The following ZC3H7B variants were observed in gnomAD, a reference collection of about 807,000 sequenced individuals.
ZC3H7B encodes the protein zinc finger CCCH-type containing 7B, also known as zinc finger CCCH domain-containing protein 7B.
A neutral mutation model predicts 116.0 loss-of-function variants in ZC3H7B; 35 were observed. The ratio of observed to expected loss-of-function variants is 0.30; its 90% CI spans 0.23 to 0.40. The LOEUF (loss-of-function observed/expected upper bound fraction) is 0.40. Ranked by LOEUF, ZC3H7B falls within the 10% of genes least tolerant of loss-of-function variation. The probability of loss-of-function intolerance (pLI) is 1.00; values close to 1 mark genes in which losing one functional copy is unlikely to be tolerated. For missense variants in ZC3H7B, 1,011 were observed against 1,321.5 expected, an observed-to-expected ratio of 0.77 and a Z score of 3.64; for synonymous variants, 502 against 545.6, an observed-to-expected ratio of 0.92 and a Z score of 1.11.
Position 41,349,388 on chromosome 22 carries a change from G to T in ZC3H7B, c.1948+87G>T. On this transcript the variant is annotated intron_variant, in intron 16 of 22. Coordinates refer to ENST00000352645, the MANE Select transcript of ZC3H7B (RefSeq NM_017590.6). This position sits in a 1 kb window ranked among gnomAD's most constrained non-coding sequence, Gnocchi z 4.9. ...TGAAGGGAGCGCAGGACTGACTGGGGTGACAGGCCAGGGCCCCATGGTCGC... is the reference window on the plus strand; with the variant it reads ...TGAAGGGAGCGCAGGACTGACTGGGTTGACAGGCCAGGGCCCCATGGTCGC... 1 of 1,538,416 alleles carries T rather than the reference G, an allele frequency of 6.5e-7. No individual in the cohort carries two copies.
chr22:41,355,885 G>T, intron 19 of ZC3H7B, 23 bp downstream of exon 19: 1 of 1,612,024 alleles, frequency 6.2e-7, no homozygotes, highest in Non-Finnish European at 8.5e-7. Context: ...ATGGGGGGCT[G>T]GGGGTCCCCC....
intron 9 of ZC3H7B, 123 bp from the exon 10 acceptor site, chr22:41,339,692 CA>C: frequency 1.2e-6 from 1 of 850,692 alleles, no homozygotes. Context: ...GCCCTGCTCC[CA>C]CATGGGACAG....
Position 41,338,910 on chromosome 22 carries a change from A to G in ZC3H7B, c.626-91A>G, listed in dbSNP as rs562284365. On this transcript the variant is annotated intron_variant, in intron 8 of 22. Transcript: ENST00000352645. This position sits in a 1 kb window ranked among gnomAD's most constrained non-coding sequence, Gnocchi z 4.5. ...TGGCAAGAGCTGAAAGAAGAAGGGA[A>G]AGTGTTGGATGAGCATCACGGGGCC... 5.5e-5 allele frequency: 73 copies of G among 1,316,122 alleles called. No homozygotes were observed. In the East Asian group the frequency reaches 1.7e-3, roughly 30 times the overall value. 81.5% of individuals were successfully genotyped at this position (1,316,122 alleles called of 1,614,324 possible). A position where few individuals can be genotyped will look rare whatever the true frequency, so the allele number is the denominator to read the frequency against.
In ZC3H7B at chr22:41,325,553, T is replaced by G. The variant is rs1361369324; in HGVS notation, c.54-11T>G. 1.2e-6 allele frequency: 2 copies of G among 1,609,034 alleles called. No homozygotes were observed. The highest frequency in any genetic ancestry group is 1.3e-5 in the African/African-American group (1 of 74,994). ...GGCTCACCCAGGCCTCGTGTTTTCT[T>G]TTCCTGATAGGTCGACACTACCCCT... On this transcript the variant is annotated splice_polypyrimidine_tract_variant and intron_variant, in intron 2 of 22. Transcript: ENST00000352645.
chr22:41,345,958 G>T (rs1264152260), intron 13 of ZC3H7B, 45 bp from the exon 14 acceptor site: 1 of 1,603,506 alleles, frequency 6.2e-7, no homozygotes, highest in African/African-American at 1.3e-5. Context: ...GCTGCGGGCT[G>T]CTATCCCCGC....
intron 1 of ZC3H7B, among the ~76,000 whole-genome samples, chr22:41,316,978 G>A (rs762725784): frequency 2.6e-5 from 4 of 152,118 alleles, no homozygotes; most frequent in Non-Finnish European, 4.4e-5. Flanking sequence ...GAGTAGCTGG[G>A]ATTACAGGCA....
In ZC3H7B at chr22:41,349,261, C is replaced by T; in HGVS notation, c.1908C>T (p.Ser636=). 6.2e-7 allele frequency: 1 copy of T among 1,613,746 alleles called. No individual in the cohort carries two copies. The change falls in exon 16 of 23, where the codon AGC becomes AGT. Residue 636 remains serine (S), a synonymous_variant. Transcript: ENST00000352645. This position sits in a 1 kb window ranked among gnomAD's most constrained non-coding sequence, Gnocchi z 4.9. ...AGGACAGCTGCCACTTCGCCCACAG[C>T]TTCATCGAGCTCAAGGTCTGGCTGC... ...LREDSCHFAH[S]FIELKVWLLQ...
chr22:41,342,630 T>G lies in ZC3H7B; in HGVS notation c.1297+2T>G, dbSNP rs1569240397. 6.2e-7 allele frequency: 1 copy of G among 1,611,086 alleles called. No individual in the cohort carries two copies. Among genetic ancestry groups the G allele is most frequent in the Non-Finnish European group, 8.5e-7 (1 of 1,179,570 alleles). On this transcript the variant is annotated splice_donor_variant, in intron 12 of 22. Coordinates refer to ENST00000352645, the MANE Select transcript of ZC3H7B (RefSeq NM_017590.6). LOFTEE classifies it high-confidence loss of function. ...GCCAGCTCTGCTACCCCAAGACAGG[T>G]AAACTTTCACCTGTAGACTCCACCC... is the stretch of plus-strand genomic sequence containing the variant.
rs1233102985 is a variant in ZC3H7B at position 41,338,119 on chromosome 22, C to T, written c.583-194C>T. Among the ~76,000 whole-genome samples the T allele has an allele frequency of 6.6e-6, 1 of 152,164 alleles. No individual in the cohort carries two copies. The highest frequency in any genetic ancestry group is 1.5e-5 in the Non-Finnish European group (1 of 68,036). ...CTGACCTCAGGTGATCCACCCACCT[C>T]AGCCTCCCCAAGTGCTGGGATTATA... is the stretch of plus-strand genomic sequence containing the variant. On this transcript the variant is annotated intron_variant, in intron 7 of 22. Coordinates refer to ENST00000352645, the MANE Select transcript of ZC3H7B (RefSeq NM_017590.6). The surrounding 1 kb of genome is among the most constrained non-coding windows in gnomAD (Gnocchi z 4.5).
chr22:41,308,187 G>A (rs970953666), intron 1 of ZC3H7B, among the ~76,000 whole-genome samples: 3 of 152,110 alleles, frequency 2.0e-5, no homozygotes, highest in Non-Finnish European at 4.4e-5. Context: ...GCTGGAGTCA[G>A]CTGATGATCA....
At chr22:41,317,216 GTGATCCA>G (rs1182315722) in intron 1 of ZC3H7B, among the ~76,000 whole-genome samples, 1 of 151,970 alleles carries the variant, frequency 6.6e-6, no homozygotes, top group Non-Finnish European at 1.5e-5. Context: ...CTGACCTCAG[GTGATCCA>G]CCCACCTCGG....
chr22:41,329,907 C>A, intron 5 of ZC3H7B, 116 bp from the exon 6 acceptor site: 1 of 1,020,086 alleles, frequency 9.8e-7, no homozygotes, highest in Non-Finnish European at 1.4e-6. Context: ...CTCACTTTCT[C>A]ATCTATAACA....
rs371833472 is a variant in ZC3H7B at position 41,309,104 on chromosome 22, C to T, written c.-7+7332C>T. ...TCGACTCACTGCAAGCTCCGCCTCC[C>T]GGGTTCATGCCATTCTCCTGCCTCA... On this transcript the variant is annotated intron_variant, in intron 1 of 22. Coordinates refer to ENST00000352645, the MANE Select transcript of ZC3H7B (RefSeq NM_017590.6). Among the ~76,000 whole-genome samples, 526 of 148,546 alleles carry T rather than the reference C, an allele frequency of 3.5e-3. 2 individuals carry two copies. Among genetic ancestry groups the T allele is most frequent in the African/African-American group, 0.012 (499 of 40,452 alleles).
At position 41,346,965 on chromosome 22, in the gene ZC3H7B, C is replaced by G. The variant is rs1241852151; in HGVS notation, c.1665+757C>G. ...CTGGGTGACAGAGTGAGACCCTATT[C>G]CAAAAAAAAAAAAAAAAAAATGTCA... is the stretch of plus-strand genomic sequence containing the variant. On this transcript the variant is annotated intron_variant, in intron 14 of 22. Coordinates refer to ENST00000352645, the MANE Select transcript of ZC3H7B (RefSeq NM_017590.6). This position sits in a 1 kb window ranked among gnomAD's most constrained non-coding sequence, Gnocchi z 5.3. 1.6e-5 allele frequency among the ~76,000 whole-genome samples: 2 copies of G among 125,858 alleles called. No homozygotes were observed. The highest frequency in any genetic ancestry group is 3.3e-5 in the Non-Finnish European group (2 of 60,794). The allele number at this position is 125,858 out of a possible 152,430, so 82.6% of individuals were successfully genotyped here.
At chr22:41,320,130 C>T (rs1015468414) in intron 1 of ZC3H7B, among the ~76,000 whole-genome samples, 11 of 151,380 alleles carry the variant, frequency 7.3e-5, no homozygotes, top group Non-Finnish European at 1.2e-4. Context: ...GTCAGGTGTT[C>T]GAGACCAGCC....
intron 1 of ZC3H7B, among the ~76,000 whole-genome samples, chr22:41,317,635 T>A (rs1484774037): frequency 6.0e-5 from 9 of 150,876 alleles, no homozygotes; most frequent in Non-Finnish European, 4.4e-5. Context: ...AAAAAAAAAA[T>A]AAAATACAAA....
chr22:41,339,558 G>A (rs747489109), intron 9 of ZC3H7B, among the ~76,000 whole-genome samples: 7 of 150,388 alleles, frequency 4.7e-5, no homozygotes, highest in Non-Finnish European at 8.9e-5. Context: ...CCCGGGAGGC[G>A]GAGGTTGCAG....
chr22:41,337,808 G>A (rs1373544725), intron 7 of ZC3H7B, among the ~76,000 whole-genome samples: 5 of 151,978 alleles, frequency 3.3e-5, no homozygotes, highest in Non-Finnish European at 7.4e-5. Context: ...GCCCCCACCT[G>A]CTGGCCCATC....
chr22:41,356,371 G>A lies in ZC3H7B; in HGVS notation c.2412G>A (p.Met804Ile). 1 of 1,614,142 alleles carries A rather than the reference G, an allele frequency of 6.2e-7. No homozygotes were observed. Among genetic ancestry groups the A allele is most frequent in the Non-Finnish European group, 8.5e-7 (1 of 1,180,034 alleles). The stretch of plus-strand genomic sequence containing the variant: ...TGGACATGCAGCAGACCTATGACAT[G>A]TGGCTGAAAAAACACAACCCAGGAA... ...KILDMQQTYDMWLKKHNPGKP... is the reference protein window; with the variant it reads ...KILDMQQTYDIWLKKHNPGKP... Residue 804 changes from methionine (M) to isoleucine (I), a missense_variant, in exon 21 of 23, where the codon ATG becomes ATA. Around this residue, in one of 5 missense-constraint regions of ZC3H7B, gnomAD observed 406 missense variants for 590.2 expected, o/e 0.69. Coordinates refer to ENST00000352645, the MANE Select transcript of ZC3H7B (RefSeq NM_017590.6).
Sources: allele counts gnomAD v4.1 joint callset (sites outside exome capture counted in the v4.1 genomes callset), GRCh38; gene constraint gnomAD v4.1.1; regional missense constraint gnomAD v4.1.1; non-coding constraint Gnocchi (gnomAD v3.1); transcripts MANE v1.5; gene names NCBI Gene and HGNC (gene_info 2026-07-23, HGNC 2026-07-21).